The following PRDM16 variants were observed in gnomAD, a reference collection of about 807,000 sequenced individuals.
PRDM16 encodes PR/SET domain 16.
A neutral mutation model predicts 110.6 loss-of-function variants in PRDM16; 23 were observed. The ratio of observed to expected loss-of-function variants is 0.21; its 90% CI spans 0.15 to 0.29. The LOEUF (loss-of-function observed/expected upper bound fraction) is 0.29. PRDM16 is among the 10% of genes least tolerant of loss of function. The probability of loss-of-function intolerance (pLI) is 1.00; values close to 1 mark genes in which losing one functional copy is unlikely to be tolerated. For missense variants in PRDM16, 1,615 were observed against 1,794.3 expected, an observed-to-expected ratio of 0.90 and a Z score of 1.81; for synonymous variants, 799 against 781.8, an observed-to-expected ratio of 1.02 and a Z score of -0.37.
At position 3,201,298 on chromosome 1, in the gene PRDM16, A is replaced by C. The variant is rs1638622020; in HGVS notation, c.387+14824A>C. ...TAAAATTCGCTTTGTCATGGGATTT[A>C]AAATTACTTCAATTGCACTGACTTG... On this transcript the variant is annotated intron_variant, in intron 2 of 16. Coordinates refer to ENST00000270722, the MANE Select transcript of PRDM16 (RefSeq NM_022114.4). This position sits in a 1 kb window ranked among gnomAD's most constrained non-coding sequence, Gnocchi z 4.1. Among the ~76,000 whole-genome samples, 1 of 151,934 alleles carries C rather than the reference A, an allele frequency of 6.6e-6. No homozygotes were observed. The highest frequency in any genetic ancestry group is 1.5e-5 in the Non-Finnish European group (1 of 68,014).
At chr1:3,155,801 G>C (rs1029751123) in intron 1 of PRDM16, among the ~76,000 whole-genome samples, 2 of 152,242 alleles carry the variant, frequency 1.3e-5, no homozygotes, top group Non-Finnish European at 2.9e-5. Flanking sequence ...TCAGCTCAGG[G>C]ACGCAGCTGA....
At chr1:3,402,076 C>T (rs895968623) in intron 5 of PRDM16, among the ~76,000 whole-genome samples, 1 of 152,276 alleles carries the variant, frequency 6.6e-6, no homozygotes, top group Non-Finnish European at 1.5e-5. Flanking sequence ...GCTGCCTGCT[C>T]ATGCCCAAGA....
chr1:3,223,404 A>C (rs1372168595), intron 2 of PRDM16, among the ~76,000 whole-genome samples: 3 of 152,058 alleles, frequency 2.0e-5, no homozygotes, highest in Non-Finnish European at 4.4e-5. Context: ...TTTGTCTGGA[A>C]TGTTCCTGGG....
chr1:3,436,786 G>A lies in PRDM16; in HGVS notation c.*2975G>A, dbSNP rs995727537. On this transcript the variant is annotated 3_prime_UTR_variant, in exon 17 of 17. Coordinates refer to ENST00000270722, the MANE Select transcript of PRDM16 (RefSeq NM_022114.4). ...TGTGCAGCATGGACAGGGATGCGAC[G>A]GGGCAGCTGGCTGTGTCCATGGCCA... 1.7e-4 allele frequency: 40 copies of A among 233,192 alleles called. No individual in the cohort carries two copies. The highest frequency in any genetic ancestry group is 6.8e-4 in the African/African-American group (31 of 45,460). 14.4% of individuals were successfully genotyped at this position (233,192 alleles called of 1,614,324 possible).
chr1:3,085,738 G>A (rs1217978697), intron 1 of PRDM16, among the ~76,000 whole-genome samples: 1 of 152,196 alleles, frequency 6.6e-6, no homozygotes, highest in African/African-American at 2.4e-5. Context: ...GCCATGCCAG[G>A]TCTCTTTCTG....
At chr1:3,349,539 C>T (rs750402057) in intron 3 of PRDM16, among the ~76,000 whole-genome samples, 1 of 152,120 alleles carries the variant, frequency 6.6e-6, no homozygotes, top group African/African-American at 2.4e-5. Flanking sequence ...AGCTGTCATC[C>T]TCAACCCAAG....
At position 3,353,518 on chromosome 1, in the gene PRDM16, G is replaced by A. The variant is rs1642535368; in HGVS notation, c.439-31634G>A. 1.3e-5 allele frequency among the ~76,000 whole-genome samples: 2 copies of A among 152,174 alleles called. No individual in the cohort carries two copies. Among genetic ancestry groups the A allele is most frequent in the African/African-American group, 4.8e-5 (2 of 41,462 alleles). On this transcript the variant is annotated intron_variant, in intron 3 of 16. Coordinates refer to ENST00000270722, the MANE Select transcript of PRDM16 (RefSeq NM_022114.4). This position sits in a 1 kb window ranked among gnomAD's most constrained non-coding sequence, Gnocchi z 5.4. Reference sequence around the variant, plus strand: ...GCACCTGGGCCATGGGAGCCCAAGGGTGGCTCCCTCGGGCCACCCCGTTAC... The same window carrying A: ...GCACCTGGGCCATGGGAGCCCAAGGATGGCTCCCTCGGGCCACCCCGTTAC...
In PRDM16 at chr1:3,069,207, T is replaced by C; in HGVS notation, c.-53T>C. The C allele has an allele frequency of 1.3e-6, 2 of 1,522,852 alleles. No individual in the cohort carries two copies. Among genetic ancestry groups the C allele is most frequent in the Non-Finnish European group, 9.0e-7 (1 of 1,112,718 alleles). The allele number at this position is 1,522,852 out of a possible 1,614,324, so 94.3% of individuals were successfully genotyped here. ...CAATGCTGGGGAGATGAAGATAGTG[T>C]GTGGCTGCTTCTGGACTCAAGGAGG... On this transcript the variant is annotated 5_prime_UTR_variant, in exon 1 of 17. Coordinates refer to ENST00000270722, the MANE Select transcript of PRDM16 (RefSeq NM_022114.4). This position sits in a 1 kb window ranked among gnomAD's most constrained non-coding sequence, Gnocchi z 6.1.
In PRDM16 at chr1:3,412,763, G is replaced by C; in HGVS notation, c.2566G>C (p.Ala856Pro). The C allele has an allele frequency of 6.7e-7, 1 of 1,495,440 alleles. No individual in the cohort carries two copies. The highest frequency in any genetic ancestry group is 8.9e-7 in the Non-Finnish European group (1 of 1,123,442). The allele number at this position is 1,495,440 out of a possible 1,614,324, so 92.6% of individuals were successfully genotyped here. Residue 856 changes from alanine (A) to proline (P), a missense_variant, in exon 9 of 17, where the codon GCC becomes CCC. Physicochemically the swap from Ala to Pro is conservative, Grantham distance 27. This residue lies in a region of PRDM16 where 772 missense variants were observed against 748.3 expected (regional missense o/e 1.03). Transcript: ENST00000270722. Reference sequence around the variant, plus strand: ...GCCCCAGCAGCCCCCGCTCCACTACGCCAAGCCCTCGCCCTTCTTCATGGA... The same window carrying C: ...GCCCCAGCAGCCCCCGCTCCACTACCCCAAGCCCTCGCCCTTCTTCATGGA... ...RMPQQPPLHY[A>P]KPSPFFMDPI...
chr1:3,266,537 G>T (rs560088805), intron 3 of PRDM16, among the ~76,000 whole-genome samples: 1 of 152,214 alleles, frequency 6.6e-6, no homozygotes, highest in Non-Finnish European at 1.5e-5. Context: ...CCGCTCCTCC[G>T]ACGAGGAGAG....
At position 3,243,226 on chromosome 1, in the gene PRDM16, C is replaced by T. The variant is rs577352671; in HGVS notation, c.388-861C>T. Among the ~76,000 whole-genome samples, 241 of 152,330 alleles carry T rather than the reference C, an allele frequency of 1.6e-3. 1 individual carries two copies. Among genetic ancestry groups the T allele is most frequent in the Middle Eastern group, 3.4e-3 (1 of 294 alleles). On this transcript the variant is annotated intron_variant, in intron 2 of 16. Coordinates refer to ENST00000270722, the MANE Select transcript of PRDM16 (RefSeq NM_022114.4). This position sits in a 1 kb window ranked among gnomAD's most constrained non-coding sequence, Gnocchi z 5.5. Reference sequence around the variant, plus strand: ...TGCTGGGGGTCCTCAGTGGCCACCCCGGGCACCTGCATGGCACTAGGCACA... The same window carrying T: ...TGCTGGGGGTCCTCAGTGGCCACCCTGGGCACCTGCATGGCACTAGGCACA...
At chr1:3,418,065 A>G in intron 11 of PRDM16, 68 bp downstream of exon 11, 2 of 1,362,704 alleles carry the variant, frequency 1.5e-6, no homozygotes, top group Non-Finnish European at 2.0e-6. Flanking sequence ...GTGGCTGTGA[A>G]CCTGTGCTTC....
At chr1:3,259,435 T>A (rs919207025) in intron 3 of PRDM16, among the ~76,000 whole-genome samples, 1 of 152,110 alleles carries the variant, frequency 6.6e-6, no homozygotes, top group Non-Finnish European at 1.5e-5. Context: ...CAAGGGATGA[T>A]CTTAGGGCAC....
chr1:3,117,996 G>A lies in PRDM16; in HGVS notation c.37+48700G>A, dbSNP rs536725965. ...ATGCTGTGTGTGTGTACATGCACGC[G>A]TGTGTGCGTGTGCGTGTGTGCATGT... On this transcript the variant is annotated intron_variant, in intron 1 of 16. Transcript: ENST00000270722. Among the ~76,000 whole-genome samples the A allele has an allele frequency of 2.6e-5, 4 of 151,990 alleles. No homozygotes were observed. The South Asian group carries it at 6.2e-4, about 24-fold the overall frequency.
At chr1:3,156,738 C>A (rs1023404826) in intron 1 of PRDM16, among the ~76,000 whole-genome samples, 8 of 152,360 alleles carry the variant, frequency 5.3e-5, no homozygotes, top group Middle Eastern at 3.4e-3. Flanking sequence ...CTACCCAGCC[C>A]CTGCCCGGCT....
At chr1:3,281,350 G>A (rs963640713) in intron 3 of PRDM16, among the ~76,000 whole-genome samples, 4 of 152,136 alleles carry the variant, frequency 2.6e-5, no homozygotes, top group African/African-American at 9.7e-5. Context: ...GCACTGAGAC[G>A]CCCACCCCAG....
At chr1:3,146,938 G>A (rs1464924600) in intron 1 of PRDM16, among the ~76,000 whole-genome samples, 1 of 108,864 alleles carries the variant, frequency 9.2e-6, no homozygotes, top group Non-Finnish European at 1.8e-5. Context: ...GCACGTGTGT[G>A]CTCAGTGTGG....
intron 3 of PRDM16, chr1:3,307,982 G>A (rs1019180752): frequency 9.2e-5 from 14 of 152,210 alleles, no homozygotes; most frequent in African/African-American, 3.1e-4. Context: ...TTCAAAGGCA[G>A]CATGCTGTCA....
chr1:3,354,183 G>T (rs1642548351), intron 3 of PRDM16, among the ~76,000 whole-genome samples: 1 of 152,218 alleles, frequency 6.6e-6, no homozygotes, highest in Non-Finnish European at 1.5e-5. Flanking sequence ...TGCTAGGCCG[G>T]GTGTGGCGGC....
Sources: gnomAD v4.1 joint callset for allele counts (sites outside exome capture counted in the v4.1 genomes callset) on GRCh38, gnomAD v4.1.1 for gene constraint, gnomAD v4.1.1 regional missense constraint, Gnocchi (gnomAD v3.1) non-coding constraint, MANE v1.5 for transcripts, NCBI Gene and HGNC (gene_info 2026-07-23, HGNC 2026-07-21) for gene names.